The following MAPK10 variants were observed in gnomAD, a reference collection of about 807,000 sequenced individuals.
The protein encoded by MAPK10 is JNK3 alpha protein kinase.
In MAPK10, 25 loss-of-function variants were observed where a neutral mutation model predicts 59.3. The observed-to-expected ratio is 0.42, with a 90% confidence interval of 0.31 to 0.59. The LOEUF is 0.59. Ranked by LOEUF, MAPK10 falls within the 20% of genes least tolerant of loss-of-function variation. The probability of loss-of-function intolerance (pLI) is 0.15; values close to 1 mark genes in which losing one functional copy is unlikely to be tolerated. For missense variants in MAPK10, 351 were observed against 568.9 expected, an observed-to-expected ratio of 0.62 and a Z score of 3.90; for synonymous variants, 190 against 200.5, an observed-to-expected ratio of 0.95 and a Z score of 0.44.
At chr4:86,048,005 T>C (rs748641138) in intron 11 of MAPK10, among the ~76,000 whole-genome samples, 1 of 152,084 alleles carries the variant, frequency 6.6e-6, no homozygotes, top group Non-Finnish European at 1.5e-5. Flanking sequence ...AGTCAAGGTA[T>C]ATTTAGAAAG....
At chr4:86,306,562 A>G (rs527944607) in intron 2 of MAPK10, among the ~76,000 whole-genome samples, 2 of 152,334 alleles carry the variant, frequency 1.3e-5, no homozygotes, top group South Asian at 2.1e-4. Context: ...TAAGAATTCC[A>G]AAGATATTAT....
At chr4:86,558,100 A>G (rs1760406564) in intron 1 of MAPK10, among the ~76,000 whole-genome samples, 1 of 152,142 alleles carries the variant, frequency 6.6e-6, no homozygotes, top group African/African-American at 2.4e-5. Flanking sequence ...AAAGTAAATT[A>G]AAAATACATA....
chr4:86,376,301 A>G (rs1022390075), intron 1 of MAPK10, among the ~76,000 whole-genome samples: 3 of 152,226 alleles, frequency 2.0e-5, no homozygotes, highest in Admixed American at 6.5e-5. Context: ...GTAAGTCCTT[A>G]TTTTAGCTAA....
intron 1 of MAPK10, among the ~76,000 whole-genome samples, chr4:86,510,016 C>T (rs890716737): frequency 1.3e-5 from 2 of 152,126 alleles, no homozygotes; most frequent in Non-Finnish European, 2.9e-5. Flanking sequence ...TTCGGATTAG[C>T]TCAGATAAAT....
At chr4:86,558,401 T>G (rs1440748085) in intron 1 of MAPK10, among the ~76,000 whole-genome samples, 1 of 152,172 alleles carries the variant, frequency 6.6e-6, no homozygotes, top group Non-Finnish European at 1.5e-5. Context: ...CCTTAATTAA[T>G]TCTCACCACA....
chr4:86,373,700 A>G (rs1739288875), intron 1 of MAPK10, among the ~76,000 whole-genome samples: 2 of 152,212 alleles, frequency 1.3e-5, no homozygotes, highest in Non-Finnish European at 2.9e-5. Flanking sequence ...CAAAACCACA[A>G]TGAGATACCA....
intron 1 of MAPK10, among the ~76,000 whole-genome samples, chr4:86,552,892 G>C (rs1309830920): frequency 6.6e-6 from 1 of 152,116 alleles, no homozygotes; most frequent in Non-Finnish European, 1.5e-5. Flanking sequence ...TGCACGTGCA[G>C]CTTTCACCCG....
intron 1 of MAPK10, among the ~76,000 whole-genome samples, chr4:86,557,209 T>C (rs1760337144): frequency 6.6e-6 from 1 of 152,106 alleles, no homozygotes; most frequent in Non-Finnish European, 1.5e-5. Context: ...TTTTGTTAAA[T>C]GGCAATGGTA....
At chr4:86,232,475 G>A (rs1051815087) in intron 2 of MAPK10, among the ~76,000 whole-genome samples, 6 of 151,562 alleles carry the variant, frequency 4.0e-5, no homozygotes, top group African/African-American at 7.3e-5. Flanking sequence ...CTGGGTTCAC[G>A]CCATTCTCCT....
chr4:86,494,537 A>G (rs888178958), intron 1 of MAPK10, among the ~76,000 whole-genome samples: 4 of 152,248 alleles, frequency 2.6e-5, no homozygotes, highest in African/African-American at 9.6e-5. Flanking sequence ...CTTTGTCACC[A>G]TTACTCTAAC....
rs114317631 is a variant in MAPK10, at chr4:86,391,534, G to T, written c.-121-36890C>A. Among the ~76,000 whole-genome samples the T allele has an allele frequency of 2.1e-3, 317 of 152,274 alleles. 1 individual carries two copies. The highest frequency in any genetic ancestry group is 3.7e-3 in the Non-Finnish European group (251 of 68,024). On this transcript the variant is annotated intron_variant, in intron 1 of 13. Transcript: ENST00000361569. ...TCAAGCCAAGTGTGGAGTGGAAAAT[G>T]AATCAGAGACCTGATTCTATGGCAT...
At chr4:86,397,313 T>C (rs1223411583) in intron 1 of MAPK10, among the ~76,000 whole-genome samples, 1 of 152,122 alleles carries the variant, frequency 6.6e-6, no homozygotes, top group Non-Finnish European at 1.5e-5. Context: ...GAAACCTTTA[T>C]ATTGTTACCT....
intron 1 of MAPK10, among the ~76,000 whole-genome samples, chr4:86,563,491 T>G (rs987926697): frequency 6.6e-6 from 1 of 152,216 alleles, no homozygotes; most frequent in Admixed American, 6.5e-5. Flanking sequence ...TGGGATGAAG[T>G]ATCTGTTTAC....
intron 2 of MAPK10, among the ~76,000 whole-genome samples, chr4:86,311,833 T>C (rs867288997): frequency 3.3e-5 from 5 of 152,234 alleles, no homozygotes; most frequent in Middle Eastern, 6.8e-3. Context: ...ATCACTGTAT[T>C]TCATAAGAAA....
intron 2 of MAPK10, among the ~76,000 whole-genome samples, chr4:86,237,816 T>G (rs2092387238): frequency 6.6e-6 from 1 of 152,224 alleles, no homozygotes; most frequent in Non-Finnish European, 1.5e-5. Flanking sequence ...CTGATGATAG[T>G]TTATCTTGCT....
chr4:86,169,196 A>G (rs1461287324), intron 3 of MAPK10, among the ~76,000 whole-genome samples: 2 of 152,210 alleles, frequency 1.3e-5, no homozygotes, highest in Non-Finnish European at 2.9e-5. Flanking sequence ...CACCAGCAAC[A>G]GAACAAAGCT....
intron 13 of MAPK10, among the ~76,000 whole-genome samples, chr4:86,021,350 G>A (rs1485083033): frequency 1.3e-5 from 2 of 151,162 alleles, no homozygotes; most frequent in African/African-American, 4.9e-5. Flanking sequence ...GTGCTGATTG[G>A]TATGTTTACA....
intron 1 of MAPK10, among the ~76,000 whole-genome samples, chr4:86,575,782 T>C (rs1210004401): frequency 6.6e-6 from 1 of 150,462 alleles, no homozygotes; most frequent in Non-Finnish European, 1.5e-5. Flanking sequence ...CACTCCATGG[T>C]GTATGATGGG....
At chr4:86,406,992 C>T (rs540644060) in intron 1 of MAPK10, among the ~76,000 whole-genome samples, 2 of 152,134 alleles carry the variant, frequency 1.3e-5, no homozygotes, top group Non-Finnish European at 2.9e-5. Flanking sequence ...CCATGTTCCA[C>T]GGGATGGGAT....
Sources: gnomAD v4.1 joint callset for allele counts (sites outside exome capture counted in the v4.1 genomes callset) on GRCh38, gnomAD v4.1.1 for gene constraint, MANE v1.5 for transcripts, NCBI Gene and HGNC (gene_info 2026-07-23, HGNC 2026-07-21) for gene names.